MBD5: variants seen among roughly 807,000 people sequenced by gnomAD.
MBD5 encodes methyl-CpG-binding domain protein 5.
Under a neutral mutation model 117.3 loss-of-function variants are expected in MBD5, and 13 were observed. The ratio of observed to expected loss-of-function variants is 0.11; its 90% CI spans 0.07 to 0.18. MBD5 has a LOEUF of 0.18. Ranked by LOEUF, MBD5 falls within the 10% of genes least tolerant of loss-of-function variation. The pLI is 1.00. For missense variants in MBD5, 1,879 were observed against 2,093.8 expected, an observed-to-expected ratio of 0.90 and a Z score of 2.00; for synonymous variants, 727 against 766.4, an observed-to-expected ratio of 0.95 and a Z score of 0.85.
Position 148,483,688 on chromosome 2 carries a change from C to G in MBD5, c.3097C>G (p.Pro1033Ala). 5 of 1,550,694 alleles carry G rather than the reference C, an allele frequency of 3.2e-6. No homozygotes were observed. The highest frequency in any genetic ancestry group is 4.4e-6 in the Non-Finnish European group (5 of 1,147,012). ...LPSLTQMTAPPDHLPSNQSDN... is the reference protein window; with the variant it reads ...LPSLTQMTAPADHLPSNQSDN... ...CTCATTAACACAGATGACAGCCCCA[C>G]CAGACCATTTGCCAAGCAATCAGTC... Residue 1033 changes from proline to alanine, a missense_variant, in exon 9 of 14, where the codon CCA (proline) becomes GCA (alanine). This residue lies in a region of MBD5 where 1,666 missense variants were observed against 1,792.2 expected (regional missense o/e 0.93). Transcript: ENST00000642680.
At chr2:148,297,370 C>T (rs1018149405) in intron 3 of MBD5, among the ~76,000 whole-genome samples, 2 of 152,320 alleles carry the variant, frequency 1.3e-5, no homozygotes, top group Non-Finnish European at 1.5e-5. Flanking sequence ...TGTTACTCTT[C>T]AGAGCACGCA....
intron 1 of MBD5, among the ~76,000 whole-genome samples, chr2:148,134,442 G>C (rs1428242810): frequency 6.6e-6 from 1 of 151,994 alleles, no homozygotes; most frequent in Non-Finnish European, 1.5e-5. Context: ...TATTTCCTTT[G>C]AACATGGATA....
At chr2:148,233,200 A>G (rs1386663528) in intron 2 of MBD5, 45 bp from the exon 3 acceptor site, 2 of 152,208 alleles carry the variant, frequency 1.3e-5, no homozygotes, top group Non-Finnish European at 2.9e-5. Context: ...GAATAACTGG[A>G]TGTGTTCAAA....
upstream of MBD5, chr2:148,021,084 C>G (rs966025050): frequency 6.6e-6 from 1 of 151,846 alleles, no homozygotes; most frequent in Non-Finnish European, 1.5e-5. Flanking sequence ...AACCCCCCCT[C>G]CCCCCCAAGC....
At chr2:148,235,022 C>T (rs1700062941) in intron 3 of MBD5, among the ~76,000 whole-genome samples, 1 of 152,024 alleles carries the variant, frequency 6.6e-6, no homozygotes, top group Admixed American at 6.6e-5. Context: ...CTATGAATAC[C>T]AAAATCCAGG....
chr2:148,185,637 C>T (rs4972334), intron 2 of MBD5, among the ~76,000 whole-genome samples: 48,935 of 152,022 alleles, frequency 0.32, 8,666 homozygotes, highest in East Asian at 0.46. Flanking sequence ...TGTGGTGGCT[C>T]ATGTCTATAA....
chr2:148,080,881 T>C (rs1173900398), intron 1 of MBD5, among the ~76,000 whole-genome samples: 4 of 152,186 alleles, frequency 2.6e-5, no homozygotes, highest in African/African-American at 9.6e-5. Flanking sequence ...GAGCCTTTTT[T>C]CTTCTAGATT....
intron 4 of MBD5, among the ~76,000 whole-genome samples, chr2:148,404,620 T>A (rs1705022727): frequency 6.6e-6 from 1 of 152,220 alleles, no homozygotes; most frequent in Non-Finnish European, 1.5e-5. Context: ...GCCTGGAAAC[T>A]CTCTCAAGAC....
intron 4 of MBD5, among the ~76,000 whole-genome samples, chr2:148,348,463 G>T (rs988958630): frequency 6.6e-6 from 1 of 151,902 alleles, no homozygotes. Context: ...TTCAAATAAA[G>T]GTTTATATGC....
chr2:148,277,142 T>C (rs2106366037), intron 3 of MBD5, among the ~76,000 whole-genome samples: 1 of 152,262 alleles, frequency 6.6e-6, no homozygotes, highest in Non-Finnish European at 1.5e-5. Flanking sequence ...TCTGGTTCAA[T>C]GAATAATAAT....
chr2:148,247,575 C>T (rs571651964), intron 3 of MBD5, among the ~76,000 whole-genome samples: 66 of 152,056 alleles, frequency 4.3e-4, no homozygotes, highest in Non-Finnish European at 2.1e-4. Context: ...GCTTGTACAG[C>T]GTATTGAGTG....
At chr2:148,151,332 G>T (rs1697656935) in intron 1 of MBD5, among the ~76,000 whole-genome samples, 1 of 151,636 alleles carries the variant, frequency 6.6e-6, no homozygotes, top group South Asian at 2.1e-4. Flanking sequence ...TGTGCTGCTG[G>T]ATTTGGTTTG....
chr2:148,314,376 G>GGT (rs762387317), intron 3 of MBD5, among the ~76,000 whole-genome samples: 3 of 106,622 alleles, frequency 2.8e-5, no homozygotes, highest in Non-Finnish European at 5.5e-5. Flanking sequence ...CAGTGTTATG[G>GGT]TTTTTTTTTT....
At chr2:148,148,927 C>A (rs763464225) in intron 1 of MBD5, among the ~76,000 whole-genome samples, 32 of 151,892 alleles carry the variant, frequency 2.1e-4, no homozygotes, top group South Asian at 4.2e-4. Context: ...ATAAATATTT[C>A]TTTATTTATT....
chr2:148,250,889 C>T (rs867102052), intron 3 of MBD5, among the ~76,000 whole-genome samples: 14 of 152,292 alleles, frequency 9.2e-5, no homozygotes, highest in South Asian at 8.3e-4. Flanking sequence ...CTTTCTGCTG[C>T]CCTATTTTGC....
chr2:148,094,130 A>G (rs1295815110), intron 1 of MBD5, among the ~76,000 whole-genome samples: 5 of 152,156 alleles, frequency 3.3e-5, no homozygotes, highest in Non-Finnish European at 7.4e-5. Context: ...TTCTTAGACC[A>G]TGCTTAATGC....
intron 2 of MBD5, among the ~76,000 whole-genome samples, chr2:148,182,396 T>C (rs1698553131): frequency 6.6e-6 from 1 of 152,222 alleles, no homozygotes; most frequent in Non-Finnish European, 1.5e-5. Context: ...TATTACCTGA[T>C]CATGATGTAT....
chr2:148,308,913 C>T (rs1230804650), intron 3 of MBD5, among the ~76,000 whole-genome samples: 3 of 152,118 alleles, frequency 2.0e-5, no homozygotes, highest in African/African-American at 4.8e-5. Context: ...AATAGGGAAT[C>T]CTTTCCCCAT....
intron 1 of MBD5, among the ~76,000 whole-genome samples, chr2:148,035,180 G>T (rs559134792): frequency 3.3e-5 from 5 of 151,976 alleles, no homozygotes; most frequent in Admixed American, 6.6e-5. Flanking sequence ...GAAAAAAATG[G>T]ATTGTTACCT....
Sources: gnomAD v4.1 joint callset for allele counts (sites outside exome capture counted in the v4.1 genomes callset) on GRCh38, gnomAD v4.1.1 for gene constraint, gnomAD v4.1.1 regional missense constraint, MANE v1.5 for transcripts, NCBI Gene and HGNC (gene_info 2026-07-23, HGNC 2026-07-21) for gene names.